SSBP2: variants seen among roughly 807,000 people sequenced by gnomAD.
The protein encoded by SSBP2 is single stranded DNA binding protein 2.
SSBP2 carries 17 observed loss-of-function variants against 61.8 expected under a neutral mutation model. That is an observed-to-expected ratio of 0.28 (90% CI 0.19 to 0.41). The LOEUF is 0.41. Ranked by LOEUF, SSBP2 falls within the 10% of genes least tolerant of loss-of-function variation. The probability of loss-of-function intolerance (pLI) is 1.00; values close to 1 mark genes in which losing one functional copy is unlikely to be tolerated. For missense variants in SSBP2, 310 were observed against 458.7 expected (o/e 0.68, Z 2.96); for synonymous variants, 139 against 141.3 (o/e 0.98, Z 0.12).
chr5:81,529,291 TAAAC>T (rs1321636170), intron 4 of SSBP2, among the ~76,000 whole-genome samples: 3 of 152,142 alleles, frequency 2.0e-5, no homozygotes, highest in Non-Finnish European at 4.4e-5. Flanking sequence ...CTGAAGGAAA[TAAAC>T]AACATTCTGG....
chr5:81,542,959 ATT>A (rs1484388016), intron 4 of SSBP2, among the ~76,000 whole-genome samples: 2 of 151,778 alleles, frequency 1.3e-5, no homozygotes, highest in Non-Finnish European at 2.9e-5. Context: ...GGCTGAAGCA[ATT>A]CTCCTGCTTC....
chr5:81,698,504 G>T (rs371427911), intron 1 of SSBP2, among the ~76,000 whole-genome samples: 10 of 152,290 alleles, frequency 6.6e-5, no homozygotes, highest in Middle Eastern at 3.4e-3. Flanking sequence ...GGGTGGAAAA[G>T]CAGCATTGAT....
intron 5 of SSBP2, among the ~76,000 whole-genome samples, chr5:81,508,092 C>T (rs189697817): frequency 2.6e-4 from 40 of 152,196 alleles, no homozygotes; most frequent in Admixed American, 2.0e-3. Context: ...TCTTAGCATA[C>T]AATGAAATCT....
At chr5:81,440,182 T>C (rs1233447303) in intron 14 of SSBP2, among the ~76,000 whole-genome samples, 2 of 151,444 alleles carry the variant, frequency 1.3e-5, no homozygotes, top group East Asian at 3.9e-4. Flanking sequence ...TCCACAGAAC[T>C]CTAGAGACAA....
intron 4 of SSBP2, among the ~76,000 whole-genome samples, chr5:81,535,380 AT>A (rs1348395376): frequency 6.6e-6 from 1 of 152,096 alleles, no homozygotes; most frequent in African/African-American, 2.4e-5. Flanking sequence ...TATAGATTCA[AT>A]ACAATCCCAA....
At chr5:81,605,392 A>G (rs1012304478) in intron 4 of SSBP2, among the ~76,000 whole-genome samples, 10 of 152,144 alleles carry the variant, frequency 6.6e-5, no homozygotes, top group Non-Finnish European at 1.5e-4. Flanking sequence ...TCAACTTTAA[A>G]AAGTCCTAAA....
intron 2 of SSBP2, among the ~76,000 whole-genome samples, chr5:81,644,858 G>A (rs1244991507): frequency 1.3e-5 from 2 of 152,150 alleles, no homozygotes; most frequent in East Asian, 1.9e-4. Context: ...AGGGATTAGA[G>A]CTGGACCCAT....
chr5:81,513,601 A>C, intron 5 of SSBP2, 27 bp downstream of exon 5: 1 of 1,389,306 alleles, frequency 7.2e-7, no homozygotes, highest in Non-Finnish European at 1.0e-6. Flanking sequence ...ATGCTTTAAC[A>C]TTCCTAGTCA....
chr5:81,710,585 G>T (rs571396266), intron 1 of SSBP2: 62 of 411,206 alleles, frequency 1.5e-4, no homozygotes, highest in African/African-American at 1.2e-3. Flanking sequence ...AACTAGAGGG[G>T]ACTTCAACTG....
At chr5:81,474,187 A>G (rs1397944328) in intron 7 of SSBP2, among the ~76,000 whole-genome samples, 1 of 152,198 alleles carries the variant, frequency 6.6e-6, no homozygotes. Flanking sequence ...AAAAAGGCAA[A>G]AGAAATAATA....
intron 1 of SSBP2, 39 bp downstream of exon 1, chr5:81,750,942 G>A: frequency 1.9e-6 from 3 of 1,564,460 alleles, no homozygotes; most frequent in Non-Finnish European, 2.6e-6. Context: ...GTGTGCGCGC[G>A]TGTGAAGGCG....
chr5:81,467,061 T>C (rs200412578), intron 8 of SSBP2: 1 of 1,602,440 alleles, frequency 6.2e-7, no homozygotes, highest in Non-Finnish European at 8.5e-7. Flanking sequence ...TAACCAAGGG[T>C]CAGACTACCA....
chr5:81,702,101 G>A (rs758153385), intron 1 of SSBP2, among the ~76,000 whole-genome samples: 69 of 152,042 alleles, frequency 4.5e-4, no homozygotes, highest in Admixed American at 9.2e-4. Context: ...GGCCAGGCAC[G>A]GCAGCTCACG....
At chr5:81,436,023 A>G (rs1762649949) in intron 15 of SSBP2, among the ~76,000 whole-genome samples, 1 of 151,974 alleles carries the variant, frequency 6.6e-6, no homozygotes, top group East Asian at 1.9e-4. Context: ...CCCCATCTCT[A>G]CTAAAAATAC....
At chr5:81,733,818 AG>A (rs1216366317) in intron 1 of SSBP2, among the ~76,000 whole-genome samples, 21 of 152,188 alleles carry the variant, frequency 1.4e-4, no homozygotes, top group Admixed American at 1.4e-3. Flanking sequence ...TACAGTCCCT[AG>A]TTTTGTCTGA....
intron 3 of SSBP2, among the ~76,000 whole-genome samples, chr5:81,622,875 G>A (rs961279246): frequency 6.6e-6 from 1 of 151,974 alleles, no homozygotes; most frequent in Non-Finnish European, 1.5e-5. Context: ...CCTTCAGCGG[G>A]GAAAAACGTG....
At position 81,462,948 on chromosome 5, in the gene SSBP2, T is replaced by A. The variant is rs191536461; in HGVS notation, c.639-1845A>T. On this transcript the variant is annotated intron_variant, in intron 9 of 16. Transcript: ENST00000320672. ...CATAAATAGAATAAACTATTTTTAT[T>A]TTCAAATTTTTCTAATGTTAAACAT... 6.0e-4 allele frequency among the ~76,000 whole-genome samples: 91 copies of A among 152,148 alleles called. 1 individual carries two copies. The East Asian group carries it at 0.013, about 21-fold the overall frequency.
chr5:81,493,949 A>G (rs550968112), intron 5 of SSBP2, among the ~76,000 whole-genome samples: 3 of 152,264 alleles, frequency 2.0e-5, no homozygotes, highest in East Asian at 1.9e-4. Flanking sequence ...GTGGCTAGAT[A>G]TATCAGTGAA....
intron 1 of SSBP2, among the ~76,000 whole-genome samples, chr5:81,695,033 A>G (rs1753498812): frequency 6.6e-6 from 1 of 152,198 alleles, no homozygotes; most frequent in Admixed American, 6.5e-5. Context: ...TCAAATAACC[A>G]GGTCTAAACC....
Sources: gnomAD v4.1 joint callset for allele counts (sites outside exome capture counted in the v4.1 genomes callset) on GRCh38, gnomAD v4.1.1 for gene constraint, MANE v1.5 for transcripts, NCBI Gene and HGNC (gene_info 2026-07-23, HGNC 2026-07-21) for gene names.